The following BMP3 variants were observed in gnomAD, a reference collection of about 807,000 sequenced individuals.
The protein encoded by BMP3 is bone morphogenetic protein 3.
BMP3 carries 23 observed loss-of-function variants against 38.1 expected under a neutral mutation model. The observed-to-expected ratio is 0.60, with a 90% CI of 0.43 to 0.86. The LOEUF (loss-of-function observed/expected upper bound fraction) is 0.86, where lower values mean the gene tolerates loss of function less well. BMP3 is among the 40% of genes least tolerant of loss of function. The pLI is 0.00. For missense variants in BMP3, 628 were observed against 579.6 expected, an observed-to-expected ratio of 1.08 and a Z score of -0.86; for synonymous variants, 258 against 225.7, an observed-to-expected ratio of 1.14 and a Z score of -1.28.
chr4:81,040,834 A>C (rs763372033), intron 1 of BMP3, among the ~76,000 whole-genome samples: 6 of 152,160 alleles, frequency 3.9e-5, no homozygotes, highest in African/African-American at 1.2e-4. Context: ...AAAAACGCAT[A>C]AGTATTTTTT....
At chr4:81,032,081 C>G (rs1355661005) in intron 1 of BMP3, among the ~76,000 whole-genome samples, 1 of 151,644 alleles carries the variant, frequency 6.6e-6, no homozygotes, top group Non-Finnish European at 1.5e-5. Context: ...GACGCCTTCC[C>G]CTCTCCTTTT....
chr4:81,048,742 T>C (rs1434551527), intron 2 of BMP3, among the ~76,000 whole-genome samples: 1 of 152,248 alleles, frequency 6.6e-6, no homozygotes, highest in Admixed American at 6.5e-5. Flanking sequence ...AGTATGTTAG[T>C]GCAGAAGAAT....
At position 81,047,770 on chromosome 4, in the gene BMP3, CA is replaced by C. The variant is rs1169831760; in HGVS notation, c.1227+1125del. On this transcript the variant is annotated intron_variant, in intron 2 of 2. Transcript: ENST00000282701. ...ATAATCATTGGGATGACAAGCATAA[CA>C]AACATAAATGCAAAGGGCTTTAGTC... Among the ~76,000 whole-genome samples the C allele has an allele frequency of 3.3e-5, 5 of 152,002 alleles. No individual in the cohort carries two copies. In the East Asian group the frequency reaches 9.7e-4, roughly 30 times the overall value.
intron 1 of BMP3, among the ~76,000 whole-genome samples, chr4:81,032,126 C>A (rs988867484): frequency 2.0e-5 from 3 of 146,918 alleles, no homozygotes; most frequent in Non-Finnish European, 4.5e-5. Flanking sequence ...ATATTGCACC[C>A]GCTCCTAATT....
At chr4:81,040,773 C>A (rs1740050552) in intron 1 of BMP3, among the ~76,000 whole-genome samples, 2 of 152,138 alleles carry the variant, frequency 1.3e-5, no homozygotes, top group Non-Finnish European at 2.9e-5. Flanking sequence ...TTTAGATGAT[C>A]AGTGTAGCAT....
chr4:81,050,207 A>G (rs772609606), intron 2 of BMP3, among the ~76,000 whole-genome samples: 6 of 152,200 alleles, frequency 3.9e-5, no homozygotes, highest in Non-Finnish European at 2.9e-5. Flanking sequence ...TCCCCTGCTA[A>G]TGCATTTGTA....
In BMP3 at chr4:81,044,352, C is replaced by A. The variant is rs552124713; in HGVS notation, c.317-1386C>A. Among the ~76,000 whole-genome samples the A allele has an allele frequency of 3.9e-4, 59 of 152,258 alleles. No homozygotes were observed. The South Asian group carries it at 0.011, about 29-fold the overall frequency. ...GAGCAAAGTAATTAAAATGGCTGAT[C>A]CTTGCTAACCTTTTTTTGTCTTTTA... On this transcript the variant is annotated intron_variant, in intron 1 of 2. Transcript: ENST00000282701.
intron 1 of BMP3, among the ~76,000 whole-genome samples, chr4:81,037,769 A>T (rs539408506): frequency 3.7e-4 from 57 of 152,246 alleles, no homozygotes; most frequent in Admixed American, 7.2e-4. Context: ...TATTCAACAA[A>T]TGTACTATTT....
chr4:81,051,625 G>T (rs1482773067), intron 2 of BMP3, among the ~76,000 whole-genome samples: 1 of 152,136 alleles, frequency 6.6e-6, no homozygotes, highest in Non-Finnish European at 1.5e-5. Flanking sequence ...ATTACCAATA[G>T]CAATAACAAG....
At chr4:81,034,661 C>G (rs774177217) in intron 1 of BMP3, among the ~76,000 whole-genome samples, 41 of 152,080 alleles carry the variant, frequency 2.7e-4, no homozygotes, top group South Asian at 8.3e-4. Flanking sequence ...GTACTTATCA[C>G]CTTTTAAAAA....
chr4:81,036,934 T>C (rs1266308622), intron 1 of BMP3, among the ~76,000 whole-genome samples: 2 of 152,016 alleles, frequency 1.3e-5, no homozygotes, highest in Admixed American at 6.6e-5. Flanking sequence ...CATCAGCATG[T>C]AGATCATAGA....
chr4:81,047,759 G>C (rs1358082778), intron 2 of BMP3, among the ~76,000 whole-genome samples: 1 of 151,976 alleles, frequency 6.6e-6, no homozygotes, highest in Non-Finnish European at 1.5e-5. Context: ...TCATTGGGAT[G>C]ACAAGCATAA....
Position 81,046,594 on chromosome 4 carries a change from C to A in BMP3, c.1173C>A (p.Pro391=). 6.2e-7 allele frequency: 1 copy of A among 1,614,064 alleles called. No individual in the cohort carries two copies. The highest frequency in any genetic ancestry group is 8.5e-7 in the Non-Finnish European group (1 of 1,179,974). Residue 391 remains proline, a synonymous_variant, in exon 2 of 3, where the codon CCC becomes CCA. Transcript: ENST00000282701. ...DIGWSEWIIS[P]KSFDAYYCSG... is the part of the protein sequence containing the mutation. ...GCTGGAGTGAATGGATTATCTCCCC[C>A]AAGTCCTTTGATGCCTATTATTGCT...
intron 1 of BMP3, among the ~76,000 whole-genome samples, chr4:81,034,977 A>C (rs1201526972): frequency 6.6e-6 from 1 of 152,160 alleles, no homozygotes; most frequent in Non-Finnish European, 1.5e-5. Flanking sequence ...AAACTATTAA[A>C]ATGTAGTTAC....
Position 81,053,423 on chromosome 4 carries a change from T to C in BMP3, c.1306T>C (p.Cys436Arg), listed in dbSNP as rs1295769569. Residue 436 changes from cysteine to arginine, a missense_variant, in exon 3 of 3, where the codon TGC becomes CGC. Cys to Arg is a radical substitution (Grantham distance 180). Coordinates refer to ENST00000282701, the MANE Select transcript of BMP3 (RefSeq NM_001201.5). ...VGVVPGIPEP[C>R]CVPEKMSSLS... ...GGTCGTTCCTGGGATTCCTGAGCCT[T>C]GCTGTGTACCAGAAAAGATGTCCTC... The C allele has an allele frequency of 6.2e-7, 1 of 1,612,046 alleles. No homozygotes were observed. Among genetic ancestry groups the C allele is most frequent in the Non-Finnish European group, 8.5e-7 (1 of 1,179,054 alleles).
Position 81,043,570 on chromosome 4 carries a change from T to C in BMP3, c.317-2168T>C, listed in dbSNP as rs551699792. Among the ~76,000 whole-genome samples the C allele has an allele frequency of 2.7e-5, 4 of 149,822 alleles. No homozygotes were observed. In the South Asian group the frequency reaches 6.3e-4, roughly 24 times the overall value. On this transcript the variant is annotated intron_variant, in intron 1 of 2. Transcript: ENST00000282701. The stretch of plus-strand genomic sequence containing the variant: ...GATGCGTTGGATCCTGCTTACCCAA[T>C]GCTTATCAAGCATACTACAATTTTT...
rs998604239 is a variant in BMP3 at position 81,039,837 on chromosome 4, G to A, written c.317-5901G>A. On this transcript the variant is annotated intron_variant, in intron 1 of 2. Transcript: ENST00000282701. ...AGAGTCTGATATAATTTAGAGCCTT[G>A]TCTTTAAGGAACTTATGGCCTTAAG... Among the ~76,000 whole-genome samples the A allele has an allele frequency of 2.6e-5, 4 of 152,110 alleles. No individual in the cohort carries two copies. The East Asian group carries it at 5.8e-4, about 22-fold the overall frequency.
chr4:81,047,401 C>G (rs1469486301), intron 2 of BMP3, among the ~76,000 whole-genome samples: 1 of 152,158 alleles, frequency 6.6e-6, no homozygotes, highest in Non-Finnish European at 1.5e-5. Context: ...CTCCAACTTG[C>G]ACGGCAAGTT....
intron 2 of BMP3, among the ~76,000 whole-genome samples, chr4:81,049,666 C>T (rs577245155): frequency 5.2e-4 from 79 of 152,244 alleles, no homozygotes; most frequent in African/African-American, 1.7e-3. Flanking sequence ...TCAAGTGGTA[C>T]GGTGACCAAA....
Sources: gnomAD v4.1 joint callset for allele counts (sites outside exome capture counted in the v4.1 genomes callset) on GRCh38, gnomAD v4.1.1 for gene constraint, MANE v1.5 for transcripts, NCBI Gene and HGNC (gene_info 2026-07-23, HGNC 2026-07-21) for gene names.